The following RBFOX1 variants were observed in gnomAD, a reference collection of about 807,000 sequenced individuals.
RBFOX1 encodes RNA binding fox-1 homolog 1.
A neutral mutation model predicts 57.7 loss-of-function variants in RBFOX1; 8 were observed. The observed-to-expected ratio is 0.14, with a 90% confidence interval of 0.08 to 0.25. The LOEUF (loss-of-function observed/expected upper bound fraction) is 0.25. Ranked by LOEUF, RBFOX1 falls within the 10% of genes least tolerant of loss-of-function variation. The probability of loss-of-function intolerance (pLI) is 1.00; values close to 1 mark genes in which losing one functional copy is unlikely to be tolerated. For missense variants in RBFOX1, 611 were observed against 548.5 expected (o/e 1.11, Z -1.14); for synonymous variants, 326 against 222.4 (o/e 1.47, Z -4.15).
At chr16:6,670,758 G>C (rs980023587) in intron 3 of RBFOX1, among the ~76,000 whole-genome samples, 1 of 152,122 alleles carries the variant, frequency 6.6e-6, no homozygotes, top group African/African-American at 2.4e-5. Flanking sequence ...AGCACTCTGG[G>C]AGGCCGAGCT....
At chr16:7,192,506 A>G (rs192752979) in intron 4 of RBFOX1, among the ~76,000 whole-genome samples, 2 of 152,300 alleles carry the variant, frequency 1.3e-5, no homozygotes, top group Non-Finnish European at 2.9e-5. Flanking sequence ...ACTTTGAATA[A>G]ATATTGAGGT....
chr16:5,573,695 C>T (rs377093092), intron 2 of RBFOX1, among the ~76,000 whole-genome samples: 6 of 152,194 alleles, frequency 3.9e-5, no homozygotes, highest in African/African-American at 1.2e-4. Flanking sequence ...GACGCAGTGG[C>T]TCACACCTAT....
At chr16:7,162,968 A>G (rs1172261572) in intron 4 of RBFOX1, among the ~76,000 whole-genome samples, 1 of 152,164 alleles carries the variant, frequency 6.6e-6, no homozygotes, top group Non-Finnish European at 1.5e-5. Context: ...ACCTTGGGCC[A>G]GTCACCTGGC....
Position 5,752,656 on chromosome 16 carries a change from G to C in RBFOX1, c.319-114647G>C, listed in dbSNP as rs115993245. Among the ~76,000 whole-genome samples, 775 of 152,222 alleles carry C rather than the reference G, an allele frequency of 5.1e-3. 3 individuals carry two copies. Among genetic ancestry groups the C allele is most frequent in the African/African-American group, 0.018 (745 of 41,522 alleles). On this transcript the variant is annotated intron_variant, in intron 3 of 19. Coordinates refer to the RBFOX1 transcript ENST00000641259. ...TTTTACAAAGGTTTCAGAAAAGGAT[G>C]GTAACTCTTTGAATGACCCATAATA...
At chr16:5,699,527 T>A (rs187648509) in intron 3 of RBFOX1, among the ~76,000 whole-genome samples, 14 of 152,096 alleles carry the variant, frequency 9.2e-5, no homozygotes, top group Non-Finnish European at 1.3e-4. Flanking sequence ...AGATAGAGAG[T>A]TTTGTACCAT....
chr16:7,466,834 C>G (rs1032076348), intron 4 of RBFOX1, among the ~76,000 whole-genome samples: 3 of 152,090 alleles, frequency 2.0e-5, no homozygotes, highest in Non-Finnish European at 4.4e-5. Flanking sequence ...ACCATACTTC[C>G]AAAGGAATAA....
intron 4 of RBFOX1, among the ~76,000 whole-genome samples, chr16:7,216,360 G>C (rs114956352): frequency 1.3e-5 from 2 of 152,022 alleles, no homozygotes; most frequent in Non-Finnish European, 2.9e-5. Context: ...GAATAATAAT[G>C]GCATCTACCC....
chr16:5,322,626 T>C (rs2064443525), intron 1 of RBFOX1, among the ~76,000 whole-genome samples: 1 of 152,212 alleles, frequency 6.6e-6, no homozygotes, highest in Non-Finnish European at 1.5e-5. Context: ...AAGGGGACAC[T>C]GGAGCCCCCA....
chr16:7,310,369 C>T (rs2096280870), intron 4 of RBFOX1, among the ~76,000 whole-genome samples: 1 of 151,966 alleles, frequency 6.6e-6, no homozygotes, highest in Admixed American at 6.6e-5. Context: ...ATGCTATAGC[C>T]CTGATGGATT....
intron 3 of RBFOX1, among the ~76,000 whole-genome samples, chr16:6,909,620 T>C (rs2071034507): frequency 6.6e-6 from 1 of 152,230 alleles, no homozygotes. Context: ...AAGCCTGTTC[T>C]CTCTTTTACA....
chr16:7,510,066 T>A, intron 4 of RBFOX1: 2 of 860,018 alleles, frequency 2.3e-6, no homozygotes, highest in Non-Finnish European at 2.8e-6. Flanking sequence ...CTGTGATTGA[T>A]GGGCCAGGCC....
At chr16:6,492,780 G>T (rs2153141327) in intron 2 of RBFOX1, among the ~76,000 whole-genome samples, 1 of 152,264 alleles carries the variant, frequency 6.6e-6, no homozygotes. Context: ...AAGTGGATTT[G>T]CCTGGATGTA....
intron 4 of RBFOX1, among the ~76,000 whole-genome samples, chr16:7,196,204 G>A (rs892333294): frequency 6.6e-6 from 1 of 152,152 alleles, no homozygotes; most frequent in East Asian, 1.9e-4. Context: ...TCCATAGTCA[G>A]AATGGTAATA....
intron 2 of RBFOX1, chr16:5,598,872 C>G (rs992388671): frequency 6.1e-6 from 9 of 1,468,502 alleles, no homozygotes; most frequent in African/African-American, 5.7e-5. Flanking sequence ...CTTCCCCAAC[C>G]TTTTTCTCTA....
At chr16:5,958,083 A>G (rs531843740) in intron 4 of RBFOX1, among the ~76,000 whole-genome samples, 2 of 152,182 alleles carry the variant, frequency 1.3e-5, no homozygotes, top group Non-Finnish European at 2.9e-5. Context: ...CTGCACTTCA[A>G]ATTCTTCATG....
At chr16:6,030,999 C>T (rs9923541) in intron 1 of RBFOX1, among the ~76,000 whole-genome samples, 4 of 152,014 alleles carry the variant, frequency 2.6e-5, no homozygotes, top group South Asian at 2.1e-4. Flanking sequence ...GAGACTGACA[C>T]GAAACATGAA....
intron 2 of RBFOX1, among the ~76,000 whole-genome samples, chr16:5,538,390 A>T (rs912828169): frequency 6.6e-6 from 1 of 151,504 alleles, no homozygotes; most frequent in Non-Finnish European, 1.5e-5. Context: ...TTGCCATGGG[A>T]CTATGCATGC....
intron 3 of RBFOX1, among the ~76,000 whole-genome samples, chr16:6,934,545 TAAA>T (rs528512642): frequency 6.6e-6 from 1 of 152,092 alleles, no homozygotes; most frequent in South Asian, 2.1e-4. Context: ...TATTTGGACA[TAAA>T]AAGAAGGAAT....
chr16:6,906,007 C>G (rs1310073675), intron 3 of RBFOX1, among the ~76,000 whole-genome samples: 7 of 152,224 alleles, frequency 4.6e-5, no homozygotes, highest in Non-Finnish European at 8.8e-5. Context: ...AAGAAATCCT[C>G]TGCCTTCCTC....
Sources: allele counts gnomAD v4.1 joint callset (sites outside exome capture counted in the v4.1 genomes callset), GRCh38; gene constraint gnomAD v4.1.1; transcripts MANE v1.5; gene names NCBI Gene and HGNC (gene_info 2026-07-23, HGNC 2026-07-21).